Variants in PLEC observed in about 807,000 individuals in gnomAD.
The protein encoded by PLEC is hemidesmosomal protein 1.
PLEC carries 216 observed loss-of-function variants against 392.8 expected under a neutral mutation model. That is an observed-to-expected ratio of 0.55 (90% CI 0.49 to 0.62). The LOEUF (loss-of-function observed/expected upper bound fraction) is 0.62. Ranked by LOEUF, PLEC falls within the 20% of genes least tolerant of loss-of-function variation. The pLI is 0.00. For synonymous variants in PLEC, 3,621 were observed against 2,980.6 expected, an observed-to-expected ratio of 1.21 and a Z score of -7.00; for missense variants, 6,863 against 6,563.4, an observed-to-expected ratio of 1.05 and a Z score of -1.58.
intron 28 of PLEC, 61 bp from the exon 29 acceptor site, chr8:143,927,142 CT>C: frequency 6.4e-7 from 1 of 1,566,294 alleles, no homozygotes; most frequent in African/African-American, 1.4e-5. Flanking sequence ...TGCCCAGCCC[CT>C]AAACCCTCAC....
In PLEC at chr8:143,923,239, G is replaced by A. The variant is rs576251985; in HGVS notation, c.6690C>T (p.Leu2230=). Residue 2230 remains leucine, a synonymous_variant, in exon 31 of 32, where the codon CTC becomes CTT. Coordinates refer to ENST00000345136, the MANE Select transcript of PLEC (RefSeq NM_201384.3). ...ARQRSQVEEE[L]FSVRVQMEEL... is the part of the protein sequence containing the mutation. ...CCTCCATCTGCACGCGCACCGAGAA[G>A]AGCTCCTCCTCCACCTGGCTGCGCT... 1.9e-6 allele frequency: 3 copies of A among 1,604,546 alleles called. No homozygotes were observed. The highest frequency in any genetic ancestry group is 2.7e-5 in the African/African-American group (2 of 75,018).
Position 143,927,306 on chromosome 8 carries a change from G to T in PLEC, c.3786C>A (p.Gly1262=), listed in dbSNP as rs547206059. 6.2e-7 allele frequency: 1 copy of T among 1,613,082 alleles called. No individual in the cohort carries two copies. Among genetic ancestry groups the T allele is most frequent in the Non-Finnish European group, 8.5e-7 (1 of 1,179,964 alleles). ...QALLEEIERH[G]EKVEECQRFA... ...ACCTCTGGCACTCCTCGACCTTCTCGCCGTGGCGCTCGATCTCCTCCAGCA... is the reference window on the plus strand; with the variant it reads ...ACCTCTGGCACTCCTCGACCTTCTCTCCGTGGCGCTCGATCTCCTCCAGCA... The change falls in exon 28 of 32, where the codon GGC becomes GGA. Residue 1262 remains glycine (G), a synonymous_variant. Coordinates refer to ENST00000345136, the MANE Select transcript of PLEC (RefSeq NM_201384.3).
At chr8:143,932,075 C>G in intron 17 of PLEC, 43 bp from the exon 18 acceptor site, 3 of 1,563,288 alleles carry the variant, frequency 1.9e-6, no homozygotes, top group Non-Finnish European at 2.6e-6. Context: ...CCCGCCCCGC[C>G]TGGGGACCCG....
Position 143,929,921 on chromosome 8 carries a change from C to T in PLEC, c.2739+15G>A, listed in dbSNP as rs546041710. The T allele has an allele frequency of 1.4e-5, 22 of 1,607,890 alleles. No homozygotes were observed. Among genetic ancestry groups the T allele is most frequent in the Admixed American group, 8.4e-5 (5 of 59,844 alleles). On this transcript the variant is annotated intron_variant, in intron 22 of 31. Coordinates refer to ENST00000345136, the MANE Select transcript of PLEC (RefSeq NM_201384.3). ...CCTCCCACCCAGAGAGCCCCCGGCT[C>T]GGGGGCAGGCGTACCGTGGCCAGGG...
chr8:143,955,088 C>T (rs1287941490), upstream of PLEC, among the ~76,000 whole-genome samples: 6 of 152,162 alleles, frequency 3.9e-5, no homozygotes, highest in Non-Finnish European at 7.3e-5. Context: ...CCCTGCCCGT[C>T]CCTGCCCTCC....
intron 1 of PLEC, among the ~76,000 whole-genome samples, chr8:143,960,671 A>G (rs1401392863): frequency 2.0e-5 from 3 of 152,174 alleles, no homozygotes; most frequent in African/African-American, 7.2e-5. Context: ...ACTAAACTTT[A>G]AAAATCAAAA....
In PLEC at chr8:143,927,655, CCCGCTCCCCGTG is replaced by C. The variant is rs2131611646; in HGVS notation, c.3499_3510del (p.His1167_Arg1170del). 6.3e-7 allele frequency: 1 copy of C among 1,582,906 alleles called. No individual in the cohort carries two copies. Among genetic ancestry groups the C allele is most frequent in the Non-Finnish European group, 8.6e-7 (1 of 1,166,238 alleles). On this transcript the variant is annotated inframe_deletion, in exon 27 of 32. Coordinates refer to ENST00000345136, the MANE Select transcript of PLEC (RefSeq NM_201384.3). ...TCCCGCCAGCGCTCCACCTCCACGT[CCCGCTCCCCGTG>C]CCGCTGCTGCAGTCGCTCCCCCACC...
chr8:143,921,482 G>A lies in PLEC; in HGVS notation c.8339C>T (p.Pro2780Leu), dbSNP rs782080849. Residue 2780 changes from proline to leucine, a missense_variant, in exon 32 of 32, where the codon CCC (proline) becomes CTC (leucine). By Grantham distance (98) the Pro-to-Leu change is moderately conservative. Coordinates refer to ENST00000345136, the MANE Select transcript of PLEC (RefSeq NM_201384.3). Reference sequence around the variant, plus strand: ...GAGAGAGATCTGCTGGCCAGTGTAGGGGTCCTTGTAGCCAGTGACGGCGCG... The same window carrying A: ...GAGAGAGATCTGCTGGCCAGTGTAGAGGTCCTTGTAGCCAGTGACGGCGCG... ...AERAVTGYKD[P>L]YTGQQISLFQ... is the part of the protein sequence containing the mutation. 1 of 1,613,132 alleles carries A rather than the reference G, an allele frequency of 6.2e-7. No homozygotes were observed. Among genetic ancestry groups the A allele is most frequent in the South Asian group, 1.1e-5 (1 of 91,066 alleles).
chr8:143,950,892 G>C (rs572480261), upstream of PLEC: 17,661 of 1,254,040 alleles, frequency 0.014, 157 homozygotes, highest in Non-Finnish European at 0.017. Flanking sequence ...TGTGTGGCTC[G>C]TGGCGCCTGG....
At chr8:143,950,467 G>A in exon 1 of PLEC, 1 of 1,606,674 alleles carries the variant, frequency 6.2e-7, no homozygotes, top group Non-Finnish European at 8.5e-7. Flanking sequence ...GGCGGAGGTG[G>A]GCGATGCCTT....
Position 143,917,626 on chromosome 8 carries a change from C to T in PLEC, c.12195G>A (p.Val4065=). 6.2e-7 allele frequency: 1 copy of T among 1,613,688 alleles called. No individual in the cohort carries two copies. Among genetic ancestry groups the T allele is most frequent in the Non-Finnish European group, 8.5e-7 (1 of 1,180,018 alleles). Residue 4065 remains valine (V), a synonymous_variant, in exon 32 of 32, where the codon GTG becomes GTA. Coordinates refer to ENST00000345136, the MANE Select transcript of PLEC (RefSeq NM_201384.3). ...PEESHRLPVE[V]AYKRGLFDEE... ...CATCGAAGAGGCCGCGCTTGTAGGC[C>T]ACCTCCACGGGCAGCCGGTGGCTCT...
Position 143,934,043 on chromosome 8 carries a change from C to T in PLEC, c.1218G>A (p.Gly406=), listed in dbSNP as rs1554720040. The T allele has an allele frequency of 6.2e-7, 1 of 1,611,852 alleles. No homozygotes were observed. The highest frequency in any genetic ancestry group is 8.5e-7 in the Non-Finnish European group (1 of 1,179,576). The part of the protein sequence containing the change: ...RIVTKLQMEA[G]LCEEQLNQAD... ...CCTGGTTCAGCTGCTCCTCACACAG[C>T]CCCGCCTCCATCTGCAGCTTGGTCA... Residue 406 remains glycine (G), a synonymous_variant, in exon 12 of 32, where the codon GGG becomes GGA. Transcript: ENST00000345136.
rs564072063 is a variant in PLEC at position 143,933,991 on chromosome 8, C to G, written c.1263+7G>C. 4 of 1,607,552 alleles carry G rather than the reference C, an allele frequency of 2.5e-6. No individual in the cohort carries two copies. The African/African-American group carries it at 4.0e-5, about 16-fold the overall frequency. On this transcript the variant is annotated splice_region_variant and intron_variant, in intron 12 of 31. Transcript: ENST00000345136. ...TCCCGCCCACTGCCTGCCCCACACCCCCTCACCGACTGCAGCAGGGCGTCG... is the reference window on the plus strand; with the variant it reads ...TCCCGCCCACTGCCTGCCCCACACCGCCTCACCGACTGCAGCAGGGCGTCG...
intron 1 of PLEC, among the ~76,000 whole-genome samples, chr8:143,959,072 A>G (rs1328455106): frequency 6.6e-6 from 1 of 152,258 alleles, no homozygotes; most frequent in African/African-American, 2.4e-5. Flanking sequence ...TGACCCTTGT[A>G]GCACAGCGGG....
At position 143,929,800 on chromosome 8, in the gene PLEC, G is replaced by T; in HGVS notation, c.2769C>A (p.Arg923=). ...GCAGCTCCAGGCTGTGCAGGGCTTGGCGCTGCTCCTCTGGCTTCAGGGTGC... is the reference window on the plus strand; with the variant it reads ...GCAGCTCCAGGCTGTGCAGGGCTTGTCGCTGCTCCTCTGGCTTCAGGGTGC... ...TFRTLKPEEQ[R]QALHSLELHY... is the part of the protein sequence containing the mutation. Residue 923 remains arginine, a synonymous_variant, in exon 23 of 32, where the codon CGC becomes CGA. Transcript: ENST00000345136. The T allele has an allele frequency of 6.3e-7, 1 of 1,599,214 alleles. No homozygotes were observed. Among genetic ancestry groups the T allele is most frequent in the Non-Finnish European group, 8.5e-7 (1 of 1,178,266 alleles).
upstream of PLEC, among the ~76,000 whole-genome samples, chr8:143,955,608 TTG>T (rs1491063490): frequency 9.3e-5 from 14 of 151,298 alleles, no homozygotes; most frequent in African/African-American, 3.5e-4. Context: ...TTTTTTTGTT[TTG>T]TTTTTTTGAG....
In PLEC at chr8:143,933,232, A is replaced by G. The variant is rs2131963778; in HGVS notation, c.1383T>C (p.Asp461=). 1 of 1,613,008 alleles carries G rather than the reference A, an allele frequency of 6.2e-7. No individual in the cohort carries two copies. Among genetic ancestry groups the G allele is most frequent in the South Asian group, 1.1e-5 (1 of 91,084 alleles). Residue 461 remains aspartate, a synonymous_variant, in exon 13 of 32, where the codon GAT becomes GAC. Transcript: ENST00000345136. ...TCTGCTCGCCCTGCGGGTGCCGTCC[A>G]TCCTTGAGGGTCTGCACGTCGTTGA... The part of the protein sequence containing the change: ...LLFNDVQTLK[D]GRHPQGEQMY...
chr8:143,931,151 C>G (rs1461876381), intron 19 of PLEC, among the ~76,000 whole-genome samples: 2 of 152,174 alleles, frequency 1.3e-5, no homozygotes, highest in African/African-American at 4.8e-5. Flanking sequence ...GGCGGTGCCC[C>G]TTCTACAGCA....
chr8:143,953,226 C>T, upstream of PLEC, among the ~76,000 whole-genome samples: 1 of 150,748 alleles, frequency 6.6e-6, no homozygotes. Flanking sequence ...CCAGAGCAAC[C>T]AGTCAGGGCT....
Sources: allele counts gnomAD v4.1 joint callset (sites outside exome capture counted in the v4.1 genomes callset), GRCh38; gene constraint gnomAD v4.1.1; transcripts MANE v1.5; gene names NCBI Gene and HGNC (gene_info 2026-07-23, HGNC 2026-07-21).